TUB: variants seen among roughly 807,000 people sequenced by gnomAD.
The protein encoded by TUB is TUB bipartite transcription factor.
In TUB, 33 loss-of-function variants were observed where a neutral mutation model predicts 59.7. The observed-to-expected ratio is 0.55, with a 90% CI of 0.42 to 0.74. The LOEUF is 0.74. Ranked by LOEUF, TUB falls within the 30% of genes least tolerant of loss-of-function variation. The pLI, the probability that TUB is intolerant of heterozygous loss-of-function variation, is 0.00. For synonymous variants in TUB, 293 were observed against 256.4 expected (o/e 1.14, Z -1.36); for missense variants, 659 against 672.0 (o/e 0.98, Z 0.21).
At chr11:8,099,276 T>G (rs777406760) in intron 9 of TUB, among the ~76,000 whole-genome samples, 15 of 152,190 alleles carry the variant, frequency 9.9e-5, no homozygotes, top group Non-Finnish European at 1.9e-4. Context: ...TAGATCCTAT[T>G]TTCTTTATAG....
intron 1 of TUB, among the ~76,000 whole-genome samples, chr11:8,089,132 G>A (rs2133830902): frequency 6.6e-6 from 1 of 152,328 alleles, no homozygotes; most frequent in African/African-American, 2.4e-5. Context: ...CAACGGATGG[G>A]GAAAGGGTCT....
chr11:8,070,037 GA>G lies in TUB; in HGVS notation c.204-19572del, dbSNP rs1277028473. Among the ~76,000 whole-genome samples, 4 of 152,200 alleles carry G rather than the reference GA, an allele frequency of 2.6e-5. No individual in the cohort carries two copies. The South Asian group carries it at 6.2e-4, about 24-fold the overall frequency. ...GTGTTGCTGATCGACACTAGCCAGC[GA>G]GGCAACATGGCCACACTGGCTTTCT... On this transcript the variant is annotated intron_variant, in intron 2 of 12. Transcript: ENST00000305253.
intron 2 of TUB, among the ~76,000 whole-genome samples, chr11:8,063,616 T>C (rs558072273): frequency 2.0e-5 from 3 of 152,334 alleles, no homozygotes; most frequent in Admixed American, 6.5e-5. Context: ...TGCTGAACCT[T>C]TGGGCTCCTT....
chr11:8,100,585 C>G lies in TUB; in HGVS notation c.1199C>G (p.Ser400Cys), dbSNP rs767647798. ...PGMNMVHERV[S>C]IRPRNEHETL... ...ATGAACATGGTTCATGAGAGAGTCT[C>G]TATCCGCCCCCGCAACGTGAGTGTC... Residue 400 changes from serine (S) to cysteine (C), a missense_variant, in exon 10 of 12, where the codon TCT (serine) becomes TGT (cysteine). By Grantham distance (112) the Ser-to-Cys change is moderately radical. Transcript: ENST00000299506. The G allele has an allele frequency of 6.2e-7, 1 of 1,613,954 alleles. No homozygotes were observed. Among genetic ancestry groups the G allele is most frequent in the African/African-American group, 1.3e-5 (1 of 74,902 alleles).
chr11:8,026,070 G>A (rs1196664193), intron 1 of TUB, among the ~76,000 whole-genome samples: 6 of 152,138 alleles, frequency 3.9e-5, no homozygotes, highest in East Asian at 1.9e-4. Context: ...TAATGATGTC[G>A]AGCATCTTTT....
At chr11:8,078,843 G>T (rs1183656051), upstream of TUB, among the ~76,000 whole-genome samples, 6 of 151,900 alleles carry the variant, frequency 3.9e-5, no homozygotes, top group East Asian at 1.9e-4. Context: ...CACAACCCAT[G>T]TGCATACACA....
chr11:8,019,819 C>T (rs1369819363), intron 1 of TUB, among the ~76,000 whole-genome samples: 1 of 151,974 alleles, frequency 6.6e-6, no homozygotes, highest in African/African-American at 2.4e-5. Context: ...GAGGCTGGCC[C>T]CGGGCGGAGT....
At chr11:8,052,565 G>A (rs905680474) in intron 2 of TUB, among the ~76,000 whole-genome samples, 2 of 148,162 alleles carry the variant, frequency 1.3e-5, no homozygotes, top group Non-Finnish European at 3.0e-5. Context: ...TGCCTCCTGG[G>A]TTCATGCCAT....
At chr11:8,052,800 T>C (rs1232343079) in intron 2 of TUB, among the ~76,000 whole-genome samples, 1 of 152,156 alleles carries the variant, frequency 6.6e-6, no homozygotes, top group African/African-American at 2.4e-5. Flanking sequence ...TATTTTTAAA[T>C]TGGATGTTTC....
chr11:8,066,299 G>C (rs1943241643), intron 2 of TUB, among the ~76,000 whole-genome samples: 2 of 152,210 alleles, frequency 1.3e-5, no homozygotes, highest in South Asian at 4.1e-4. Flanking sequence ...CGTTACCAGA[G>C]GCAGGCAGGC....
chr11:8,042,764 C>G (rs1942774431), intron 2 of TUB, among the ~76,000 whole-genome samples: 1 of 152,104 alleles, frequency 6.6e-6, no homozygotes, highest in Admixed American at 6.5e-5. Flanking sequence ...CTATTCATAT[C>G]TCTTATCCAT....
At position 8,103,579 on chromosome 11, in the gene TUB, A is replaced by ACC. The variant is rs1944396667; in HGVS notation, c.*1964_*1965dup. 6.6e-6 allele frequency: 1 copy of ACC among 152,464 alleles called. No homozygotes were observed. The highest frequency in any genetic ancestry group is 2.1e-4 in the South Asian group (1 of 4,800). The allele number at this position is 152,464 out of a possible 1,614,324, so 9.4% of individuals were successfully genotyped here. On this transcript the variant is annotated 3_prime_UTR_variant, in exon 12 of 12. Coordinates refer to ENST00000299506, the MANE Select transcript of TUB (RefSeq NM_177972.3). ...CCTCGGCCGTACATCTCTGTGAGAG[A>ACC]CCCCCTCCAACGATTAGCTTTTGCA...
rs2133852946 is a variant in TUB at position 8,094,112 on chromosome 11, C to G, written c.320C>G (p.Ala107Gly). The change falls in exon 4 of 12, where the codon GCC becomes GGC. Residue 107 changes from alanine to glycine, a missense_variant. Around this residue, in one of 3 missense-constraint regions of TUB, gnomAD observed 321 missense variants for 304.3 expected, o/e 1.05. Coordinates refer to ENST00000299506, the MANE Select transcript of TUB (RefSeq NM_177972.3). ...ACGCGCCCAACAGCACCAGCTTCAG[C>G]CAAGAGAACCAAGGCGGCAGCTACA... ...GATRPTAPAS[A>G]KRTKAAATAG... 5 of 1,614,142 alleles carry G rather than the reference C, an allele frequency of 3.1e-6. No homozygotes were observed. The highest frequency in any genetic ancestry group is 1.6e-4 in the Middle Eastern group (1 of 6,062).
chr11:8,042,473 C>G (rs1281985894), intron 2 of TUB, among the ~76,000 whole-genome samples: 1 of 152,140 alleles, frequency 6.6e-6, no homozygotes, highest in Non-Finnish European at 1.5e-5. Flanking sequence ...TATGTTTTCA[C>G]TCCTTGGGTA....
At position 8,087,332 on chromosome 11, in the gene TUB, G is replaced by C. The variant is rs1589959941; in HGVS notation, c.39-2278G>C. The stretch of plus-strand genomic sequence containing the variant: ...TCTTTGTCTTGCTCAGCCAAGCCCA[G>C]GGCTGGGGATGGCCCAGGTGACTGC... On this transcript the variant is annotated intron_variant, in intron 1 of 11. Coordinates refer to ENST00000299506, the MANE Select transcript of TUB (RefSeq NM_177972.3). 2.6e-5 allele frequency among the ~76,000 whole-genome samples: 4 copies of C among 152,242 alleles called. No individual in the cohort carries two copies. In the East Asian group the frequency reaches 7.7e-4, roughly 29 times the overall value.
intron 11 of TUB, 149 bp from the exon 12 acceptor site, chr11:8,101,337 C>T (rs1944292688): frequency 4.7e-6 from 5 of 1,053,764 alleles, no homozygotes; most frequent in East Asian, 2.4e-5. Context: ...TCCCAATTGG[C>T]CTTTGTTTTA....
At chr11:8,072,016 T>G (rs1943368399) in intron 2 of TUB, among the ~76,000 whole-genome samples, 1 of 152,186 alleles carries the variant, frequency 6.6e-6, no homozygotes, top group Non-Finnish European at 1.5e-5. Context: ...CACCTGTGCC[T>G]TCCTCAGGAT....
Position 8,104,735 on chromosome 11 carries a change from T to C in TUB, c.*3116T>C, listed in dbSNP as rs1424167358. 6.6e-6 allele frequency: 1 copy of C among 151,812 alleles called. No individual in the cohort carries two copies. The highest frequency in any genetic ancestry group is 1.5e-5 in the Non-Finnish European group (1 of 67,998). The allele number at this position is 151,812 out of a possible 1,614,324, so 9.4% of individuals were successfully genotyped here. A position where few individuals can be genotyped will look rare whatever the true frequency, so the allele number is the denominator to read the frequency against. ...TGGTATGTTGCACGTATGCTTTTGG[T>C]TGAAATTGAACATACTCTAGTGAAT... On this transcript the variant is annotated 3_prime_UTR_variant, in exon 12 of 12. Coordinates refer to ENST00000299506, the MANE Select transcript of TUB (RefSeq NM_177972.3).
chr11:8,073,019 C>G (rs1260072977), intron 2 of TUB, among the ~76,000 whole-genome samples: 1 of 152,184 alleles, frequency 6.6e-6, no homozygotes, highest in African/African-American at 2.4e-5. Context: ...TCATGAAGCA[C>G]AGAGAGAGGA....
Sources: gnomAD v4.1 joint callset for allele counts (sites outside exome capture counted in the v4.1 genomes callset) on GRCh38, gnomAD v4.1.1 for gene constraint, gnomAD v4.1.1 regional missense constraint, MANE v1.5 for transcripts, NCBI Gene and HGNC (gene_info 2026-07-23, HGNC 2026-07-21) for gene names.